Variants in ATP13A3 observed in about 807,000 individuals in gnomAD.
ATP13A3 encodes polyamine-transporting ATPase 13A3.
ATP13A3 carries 59 observed loss-of-function variants against 158.1 expected under a neutral mutation model. The observed-to-expected ratio is 0.37, with a 90% CI of 0.30 to 0.46. The LOEUF (loss-of-function observed/expected upper bound fraction) is 0.46. Among genes scored for constraint, ATP13A3 ranks in the 20% least tolerant of loss-of-function variants. The probability of loss-of-function intolerance (pLI) is 1.00; values close to 1 mark genes in which losing one functional copy is unlikely to be tolerated. For missense variants in ATP13A3, 1,166 were observed against 1,525.2 expected (o/e 0.76, Z 3.92); for synonymous variants, 491 against 504.3 (o/e 0.97, Z 0.35).
chr3:194,438,916 T>C lies in ATP13A3; in HGVS notation c.1767A>G (p.Thr589=), dbSNP rs370776081. 171 of 1,610,896 alleles carry C rather than the reference T, an allele frequency of 1.1e-4. No individual in the cohort carries two copies. Among genetic ancestry groups the C allele is most frequent in the African/African-American group, 6.7e-5 (5 of 74,698 alleles). The change falls in exon 17 of 34, where the codon ACA becomes ACG. Residue 589 remains threonine (T), a synonymous_variant. Coordinates refer to ENST00000645319, the MANE Select transcript of ATP13A3 (RefSeq NM_001367549.1). The stretch of plus-strand genomic sequence containing the variant: ...GCAGTTGTTTGGGAGGACGAACCAC[T>C]GTGGGCATAATTCGATTATGAAGTG... ...ETALHNRIMP[T]VVRPPKQLLP...
At chr3:194,483,683 G>T (rs1369095006) in intron 2 of ATP13A3, among the ~76,000 whole-genome samples, 1 of 152,094 alleles carries the variant, frequency 6.6e-6, no homozygotes, top group Non-Finnish European at 1.5e-5. Flanking sequence ...CAAAACCAAG[G>T]CTAAATCCCA....
intron 2 of ATP13A3, among the ~76,000 whole-genome samples, chr3:194,470,133 C>T (rs1385435954): frequency 6.6e-6 from 1 of 152,246 alleles, no homozygotes; most frequent in East Asian, 1.9e-4. Flanking sequence ...CAAAGCTCTA[C>T]TCAATACCCA....
intron 6 of ATP13A3, 178 bp downstream of exon 6, chr3:194,459,293 C>A: frequency 1.7e-6 from 1 of 586,202 alleles, no homozygotes; most frequent in Admixed American, 3.2e-5. Flanking sequence ...TGCGGTGGGA[C>A]TTATTTTAAA....
At chr3:194,484,450 C>T (rs977624081) in intron 2 of ATP13A3, among the ~76,000 whole-genome samples, 2 of 152,016 alleles carry the variant, frequency 1.3e-5, no homozygotes, top group Non-Finnish European at 2.9e-5. Context: ...ATGCTTTATT[C>T]CTAAGATAAA....
intron 13 of ATP13A3, 114 bp from the exon 14 acceptor site, chr3:194,447,229 T>C: frequency 2.4e-6 from 2 of 821,392 alleles, no homozygotes; most frequent in Non-Finnish European, 1.9e-6. Context: ...TTCAATTTTA[T>C]GTATGTGTGT....
chr3:194,463,193 C>A (rs1261271111), intron 2 of ATP13A3, among the ~76,000 whole-genome samples: 3 of 152,068 alleles, frequency 2.0e-5, no homozygotes, highest in African/African-American at 7.2e-5. Flanking sequence ...CTCCATCATT[C>A]GATTCCAAGT....
chr3:194,405,876 C>T lies in ATP13A3; in HGVS notation c.*43G>A, dbSNP rs773246248. 6 of 1,592,102 alleles carry T rather than the reference C, an allele frequency of 3.8e-6. No homozygotes were observed. The highest frequency in any genetic ancestry group is 2.6e-6 in the Non-Finnish European group (3 of 1,160,522). ...TCAGAAACTCCTAAAATCACATATTCCTGAATACTGCTATCAGCAATACCA... is the reference window on the plus strand; with the variant it reads ...TCAGAAACTCCTAAAATCACATATTTCTGAATACTGCTATCAGCAATACCA... On this transcript the variant is annotated 3_prime_UTR_variant, in exon 34 of 34. Transcript: ENST00000645319.
At chr3:194,470,615 T>A (rs1322470985) in intron 2 of ATP13A3, among the ~76,000 whole-genome samples, 1 of 152,228 alleles carries the variant, frequency 6.6e-6, no homozygotes, top group Non-Finnish European at 1.5e-5. Flanking sequence ...TTATATGCAA[T>A]GTAATAAAAC....
At chr3:194,447,290 G>A (rs1560095822) in intron 13 of ATP13A3, among the ~76,000 whole-genome samples, 175 bp from the exon 14 acceptor site, 1 of 151,718 alleles carries the variant, frequency 6.6e-6, no homozygotes, top group Non-Finnish European at 1.5e-5. Context: ...AGATATTTCT[G>A]CAAAATAAAA....
chr3:194,472,192 T>A (rs1299744865), intron 2 of ATP13A3: 1 of 156,530 alleles, frequency 6.4e-6, no homozygotes, highest in East Asian at 1.9e-4. Context: ...TTTGCCCCAA[T>A]TTAAATTTAG....
At chr3:194,431,298 T>C (rs1309771608) in intron 22 of ATP13A3, 72 bp from the exon 23 acceptor site, 2 of 1,465,844 alleles carry the variant, frequency 1.4e-6, no homozygotes, top group Admixed American at 2.2e-5. Flanking sequence ...TTTAAACATA[T>C]TTGTTCTAAA....
chr3:194,433,424 T>C (rs9813840), intron 21 of ATP13A3, among the ~76,000 whole-genome samples: 17,348 of 151,856 alleles, frequency 0.11, 1,722 homozygotes, highest in African/African-American at 0.27. Flanking sequence ...TTTGTATTTT[T>C]AGTAGAGACG....
intron 6 of ATP13A3, among the ~76,000 whole-genome samples, chr3:194,457,482 T>A (rs1398322617): frequency 1.3e-5 from 2 of 152,216 alleles, no homozygotes; most frequent in African/African-American, 4.8e-5. Context: ...GTGCCAAAGC[T>A]GTAATAGCTA....
chr3:194,487,036 A>C (rs1413743980), upstream of ATP13A3: 1 of 150,494 alleles, frequency 6.6e-6, no homozygotes, highest in Non-Finnish European at 1.5e-5. Context: ...TGGTGGCTTC[A>C]TCCCCGCGCG....
At chr3:194,474,527 C>G (rs957298010) in intron 2 of ATP13A3, among the ~76,000 whole-genome samples, 1 of 152,118 alleles carries the variant, frequency 6.6e-6, no homozygotes, top group African/African-American at 2.4e-5. Flanking sequence ...CTTGTGTAAA[C>G]AAACCAAATG....
Position 194,459,915 on chromosome 3 carries a change from G to A in ATP13A3, c.282C>T (p.Tyr94=), listed in dbSNP as rs1560105694. 3 of 1,613,224 alleles carry A rather than the reference G, an allele frequency of 1.9e-6. No homozygotes were observed. Among genetic ancestry groups the A allele is most frequent in the Non-Finnish European group, 2.5e-6 (3 of 1,179,526 alleles). Residue 94 remains tyrosine (Y), a synonymous_variant, in exon 5 of 34, where the codon TAC becomes TAT. Transcript: ENST00000645319. ...AKIRVLSLET[Y]PVSSPKSMSN... is the part of the protein sequence containing the mutation. ...ACATAGATTTTGGACTTGAAACTGGGTAAGTTTCCAAAGAAAGAACGCGAA... is the reference window on the plus strand; with the variant it reads ...ACATAGATTTTGGACTTGAAACTGGATAAGTTTCCAAAGAAAGAACGCGAA...
At chr3:194,438,797 A>T in intron 17 of ATP13A3, 59 bp downstream of exon 17, 1 of 1,194,776 alleles carries the variant, frequency 8.4e-7, no homozygotes, top group Admixed American at 2.4e-5. Context: ...ATTGAAAAAA[A>T]TTAAAAATAA....
intron 14 of ATP13A3, among the ~76,000 whole-genome samples, chr3:194,445,529 A>G (rs1718343396): frequency 6.6e-6 from 1 of 152,226 alleles, no homozygotes; most frequent in Admixed American, 6.5e-5. Flanking sequence ...TGTGTTGATA[A>G]CTGATAAAGC....
At chr3:194,444,213 G>A (rs558536334) in intron 15 of ATP13A3, among the ~76,000 whole-genome samples, 8 of 152,322 alleles carry the variant, frequency 5.3e-5, no homozygotes, top group Admixed American at 3.3e-4. Context: ...AAGGACTTAT[G>A]TGTAAGAACT....
Sources: allele counts gnomAD v4.1 joint callset (sites outside exome capture counted in the v4.1 genomes callset), GRCh38; gene constraint gnomAD v4.1.1; transcripts MANE v1.5; gene names NCBI Gene and HGNC (gene_info 2026-07-23, HGNC 2026-07-21).